Variants in DIP2B observed in about 807,000 individuals in gnomAD.
DIP2B encodes disco-interacting protein 2 homolog B.
A neutral mutation model predicts 198.0 loss-of-function variants in DIP2B; 76 were observed. The observed-to-expected ratio is 0.38, with a 90% confidence interval of 0.32 to 0.46. DIP2B has a LOEUF of 0.46. Ranked by LOEUF, DIP2B falls within the 20% of genes least tolerant of loss-of-function variation. DIP2B has a pLI of 0.99. For synonymous variants in DIP2B, 701 were observed against 739.1 expected, an observed-to-expected ratio of 0.95 and a Z score of 0.84; for missense variants, 1,559 against 1,978.4, an observed-to-expected ratio of 0.79 and a Z score of 4.02.
At chr12:50,539,663 A>C (rs1958302693) in intron 1 of DIP2B, among the ~76,000 whole-genome samples, 1 of 151,402 alleles carries the variant, frequency 6.6e-6, no homozygotes, top group African/African-American at 2.4e-5. Context: ...AGAATAATAG[A>C]TTGAACACTG....
At position 50,742,618 on chromosome 12, in the gene DIP2B, G is replaced by A. The variant is rs773340003; in HGVS notation, c.4478+1079G>A. Among the ~76,000 whole-genome samples, 16 of 152,146 alleles carry A rather than the reference G, an allele frequency of 1.1e-4. No homozygotes were observed. In the East Asian group the frequency reaches 1.7e-3, roughly 17 times the overall value. On this transcript the variant is annotated intron_variant, in intron 37 of 37. Coordinates refer to ENST00000301180, the MANE Select transcript of DIP2B (RefSeq NM_173602.3). ...TTGTCTAAAAATGCTCTTGTCGGCC[G>A]GAAGTGGTGGCTCACGCCTATAATC... is the stretch of plus-strand genomic sequence containing the variant.
chr12:50,674,667 A>C (rs1325936730), intron 6 of DIP2B, 38 bp downstream of exon 6: 2 of 1,607,856 alleles, frequency 1.2e-6, no homozygotes, highest in Non-Finnish European at 1.7e-6. Context: ...TGTAGTGTAA[A>C]CTAAACTAGA....
chr12:50,541,927 G>A (rs539414955), intron 1 of DIP2B, among the ~76,000 whole-genome samples: 8 of 151,986 alleles, frequency 5.3e-5, no homozygotes, highest in Non-Finnish European at 8.8e-5. Flanking sequence ...GCTTGAACCC[G>A]GGAGGTGGAG....
At chr12:50,694,005 C>A (rs536342051) in intron 14 of DIP2B, among the ~76,000 whole-genome samples, 1 of 152,160 alleles carries the variant, frequency 6.6e-6, no homozygotes, top group East Asian at 1.9e-4. Flanking sequence ...ATTGCATGAC[C>A]CCTCAACACC....
At position 50,509,736 on chromosome 12, in the gene DIP2B, T is replaced by C. The variant is rs566668358; in HGVS notation, c.100+4496T>C. 5.9e-5 allele frequency among the ~76,000 whole-genome samples: 9 copies of C among 152,268 alleles called. No individual in the cohort carries two copies. In the South Asian group the frequency reaches 1.9e-3, roughly 32 times the overall value. ...CAGTCTCAGAAGGGGGCAGTTAGAC[T>C]TAAGCCACCATAAAACTGGTAAATT... is the stretch of plus-strand genomic sequence containing the variant. On this transcript the variant is annotated intron_variant, in intron 1 of 37. Coordinates refer to ENST00000301180, the MANE Select transcript of DIP2B (RefSeq NM_173602.3).
intron 1 of DIP2B, among the ~76,000 whole-genome samples, chr12:50,585,302 A>C (rs770997592): frequency 6.6e-6 from 1 of 152,234 alleles, no homozygotes; most frequent in Non-Finnish European, 1.5e-5. Context: ...CAAGGTAGAC[A>C]CACTCAGGAA....
At position 50,697,169 on chromosome 12, in the gene DIP2B, T is replaced by C; in HGVS notation, c.2042T>C (p.Ile681Thr). 6.2e-7 allele frequency: 1 copy of C among 1,613,930 alleles called. No homozygotes were observed. Among genetic ancestry groups the C allele is most frequent in the Non-Finnish European group, 8.5e-7 (1 of 1,179,876 alleles). The part of the protein sequence containing the change: ...ATSAEAMTVA[I>T]RRPGVPGAPL... The stretch of plus-strand genomic sequence containing the variant: ...TCTGCTGAAGCCATGACTGTAGCAA[T>C]CCGCAGGTACTGTTCAGGATGTCAG... Residue 681 changes from isoleucine to threonine, a missense_variant, in exon 17 of 38, where the codon ATC (isoleucine) becomes ACC (threonine). Coordinates refer to ENST00000301180, the MANE Select transcript of DIP2B (RefSeq NM_173602.3).
At chr12:50,634,486 T>A (rs1479511384) in intron 2 of DIP2B, among the ~76,000 whole-genome samples, 1 of 152,182 alleles carries the variant, frequency 6.6e-6, no homozygotes, top group African/African-American at 2.4e-5. Flanking sequence ...ATTTACTGAG[T>A]GCCTACTGTG....
intron 1 of DIP2B, among the ~76,000 whole-genome samples, chr12:50,614,109 C>A (rs1937652273): frequency 6.6e-6 from 1 of 152,170 alleles, no homozygotes; most frequent in Admixed American, 6.5e-5. Flanking sequence ...TGTCATTTCA[C>A]CTCTTACTCA....
intron 3 of DIP2B, among the ~76,000 whole-genome samples, chr12:50,645,431 G>T (rs1192933663): frequency 6.6e-6 from 1 of 150,966 alleles, no homozygotes; most frequent in African/African-American, 2.4e-5. Context: ...AGATGTATTT[G>T]TGCAAATATG....
chr12:50,542,542 A>T (rs1190105442), intron 1 of DIP2B, among the ~76,000 whole-genome samples: 1 of 152,210 alleles, frequency 6.6e-6, no homozygotes, highest in Non-Finnish European at 1.5e-5. Flanking sequence ...AGACACAGAC[A>T]GGAGAGTGGG....
chr12:50,698,099 T>A (rs1939349924), intron 17 of DIP2B, among the ~76,000 whole-genome samples: 1 of 152,100 alleles, frequency 6.6e-6, no homozygotes, highest in East Asian at 1.9e-4. Flanking sequence ...TCCCACTGTG[T>A]TGCCCAGGCT....
chr12:50,673,714 A>G (rs1938895247), intron 5 of DIP2B, among the ~76,000 whole-genome samples: 1 of 152,148 alleles, frequency 6.6e-6, no homozygotes. Flanking sequence ...TGAGCCCAGG[A>G]GGTTGAGGCT....
intron 29 of DIP2B, 44 bp downstream of exon 29, chr12:50,727,856 A>G (rs778980001): frequency 5.3e-6 from 8 of 1,521,604 alleles, no homozygotes; most frequent in Non-Finnish European, 7.3e-6. Flanking sequence ...CAAAAAATAG[A>G]GATGACCACT....
intron 24 of DIP2B, 42 bp downstream of exon 24, chr12:50,718,860 G>T (rs1164627572): frequency 6.2e-7 from 1 of 1,611,832 alleles, no homozygotes; most frequent in Non-Finnish European, 8.5e-7. Context: ...GTCAAGTCAA[G>T]GACAGAACTT....
At chr12:50,535,662 C>T (rs1958257858) in intron 1 of DIP2B, among the ~76,000 whole-genome samples, 1 of 151,852 alleles carries the variant, frequency 6.6e-6, no homozygotes, top group South Asian at 2.1e-4. Flanking sequence ...TGAACCACCA[C>T]GTCTGGCCGA....
intron 22 of DIP2B, among the ~76,000 whole-genome samples, chr12:50,711,414 C>T (rs960813247): frequency 6.6e-6 from 1 of 152,174 alleles, no homozygotes; most frequent in Non-Finnish European, 1.5e-5. Context: ...CATTTGCTAA[C>T]TTTCTGTGTA....
intron 1 of DIP2B, among the ~76,000 whole-genome samples, chr12:50,589,002 G>A (rs2139427245): frequency 6.6e-6 from 1 of 151,890 alleles, no homozygotes; most frequent in African/African-American, 2.4e-5. Flanking sequence ...GGCTAACACG[G>A]TGAAACCCTG....
In DIP2B at chr12:50,685,818, A is replaced by G. The variant is rs1939121348; in HGVS notation, c.1318-15A>G. ...ATTCGCTCCCCTACCTATGTTCATT[A>G]TCATTTCTCCACAGGATGCTGGAGG... On this transcript the variant is annotated splice_polypyrimidine_tract_variant and intron_variant, in intron 10 of 37. Coordinates refer to ENST00000301180, the MANE Select transcript of DIP2B (RefSeq NM_173602.3). 1 of 1,611,996 alleles carries G rather than the reference A, an allele frequency of 6.2e-7. No individual in the cohort carries two copies. The highest frequency in any genetic ancestry group is 1.1e-5 in the South Asian group (1 of 90,832).
Sources: gnomAD v4.1 joint callset for allele counts (sites outside exome capture counted in the v4.1 genomes callset) on GRCh38, gnomAD v4.1.1 for gene constraint, MANE v1.5 for transcripts, NCBI Gene and HGNC (gene_info 2026-07-23, HGNC 2026-07-21) for gene names.